The following BTBD8 variants were observed in gnomAD, a reference collection of about 807,000 sequenced individuals.
The protein encoded by BTBD8 is BTB/POZ domain-containing protein 8.
In BTBD8, 110 loss-of-function variants were observed where a neutral mutation model predicts 162.9. That is an observed-to-expected ratio of 0.68 (90% confidence interval 0.58 to 0.79). The LOEUF (loss-of-function observed/expected upper bound fraction) is 0.79, where lower values mean the gene tolerates loss of function less well. BTBD8 is among the 30% of genes least tolerant of loss of function. The pLI is 0.00. For synonymous variants in BTBD8, 667 were observed against 716.1 expected, an observed-to-expected ratio of 0.93 and a Z score of 1.10; for missense variants, 1,905 against 2,085.4, an observed-to-expected ratio of 0.91 and a Z score of 1.68.
At position 92,182,134 on chromosome 1, in the gene BTBD8, G is replaced by A. The variant is rs1466308850; in HGVS notation, c.4451G>A (p.Cys1484Tyr). The change falls in exon 17 of 18, where the codon TGC (cysteine) becomes TAC (tyrosine). Residue 1484 changes from cysteine (C) to tyrosine (Y), a missense_variant. Cys to Tyr is a radical substitution (Grantham distance 194). Coordinates refer to ENST00000636805, the MANE Select transcript of BTBD8 (RefSeq NM_001376131.1). ...TCTCATGAACATCATGGAAGGACCTGCTATTCCAGATTCTCACGAGAAAGT... is the reference window on the plus strand; with the variant it reads ...TCTCATGAACATCATGGAAGGACCTACTATTCCAGATTCTCACGAGAAAGT... ...GISHEHHGRT[C>Y]YSRFSRESED... 2 of 1,551,250 alleles carry A rather than the reference G, an allele frequency of 1.3e-6. No homozygotes were observed. Among genetic ancestry groups the A allele is most frequent in the Admixed American group, 3.9e-5 (2 of 50,990 alleles).
chr1:92,183,770 T>TGAGCCA, intron 17 of BTBD8, 94 bp from the exon 18 acceptor site: 1 of 563,994 alleles, frequency 1.8e-6, no homozygotes, highest in Non-Finnish European at 2.8e-6. Context: ...TTTTTTTTTT[T>TGAGCCA]GACTATCACT....
At chr1:92,147,971 A>G (rs1299090859) in intron 9 of BTBD8, 185 bp downstream of exon 9, 4 of 575,424 alleles carry the variant, frequency 7.0e-6, no homozygotes, top group Non-Finnish European at 6.1e-6. Flanking sequence ...CCAGCTCATC[A>G]GTCAGGGTTG....
At chr1:92,155,127 T>C (rs1650131361) in intron 9 of BTBD8, among the ~76,000 whole-genome samples, 1 of 152,192 alleles carries the variant, frequency 6.6e-6, no homozygotes, top group South Asian at 2.1e-4. Context: ...TGTCTGTCTT[T>C]AGGCCAGTAC....
chr1:92,165,519 A>AG (rs954996498), intron 9 of BTBD8, among the ~76,000 whole-genome samples: 1 of 151,950 alleles, frequency 6.6e-6, no homozygotes, highest in African/African-American at 2.4e-5. Context: ...AAAAAAAAAA[A>AG]CAGAGGCTGT....
intron 9 of BTBD8, among the ~76,000 whole-genome samples, chr1:92,154,489 C>T (rs954526720): frequency 7.2e-5 from 11 of 152,126 alleles, no homozygotes; most frequent in African/African-American, 2.7e-4. Context: ...AACAGATGTG[C>T]GGTGACATCC....
At position 92,181,157 on chromosome 1, in the gene BTBD8, T is replaced by C; in HGVS notation, c.3474T>C (p.Asn1158=). 6.4e-7 allele frequency: 1 copy of C among 1,551,636 alleles called. No individual in the cohort carries two copies. Among genetic ancestry groups the C allele is most frequent in the Non-Finnish European group, 8.7e-7 (1 of 1,146,978 alleles). The stretch of plus-strand genomic sequence containing the variant: ...CTGAAAGGACAAATGGTACCTTAAA[T>C]TCTGCTCAAGAAGACAAAAAATCGA... ...CNPERTNGTL[N]SAQEDKKSKV... The change falls in exon 17 of 18, where the codon AAT becomes AAC. Residue 1158 remains asparagine, a synonymous_variant. Transcript: ENST00000636805.
intron 3 of BTBD8, among the ~76,000 whole-genome samples, chr1:92,103,239 A>G (rs183648265): frequency 7.9e-5 from 12 of 152,348 alleles, no homozygotes; most frequent in Admixed American, 5.2e-4. Flanking sequence ...ATTTGAAAAT[A>G]TTTGTTGGGT....
At chr1:92,128,313 C>T (rs2101927583) in intron 4 of BTBD8, among the ~76,000 whole-genome samples, 1 of 147,472 alleles carries the variant, frequency 6.8e-6, no homozygotes, top group South Asian at 2.2e-4. Context: ...CAGTCTTGCT[C>T]TGTCGCCCAG....
At chr1:92,183,416 A>G (rs1334025626) in intron 17 of BTBD8, among the ~76,000 whole-genome samples, 2 of 152,132 alleles carry the variant, frequency 1.3e-5, no homozygotes, top group Non-Finnish European at 2.9e-5. Flanking sequence ...CCTTGCTTGC[A>G]TCTTCCTTTG....
In BTBD8 at chr1:92,163,005, A is replaced by AAT. The variant is rs956054062; in HGVS notation, c.1123-3941_1123-3940dup. 2.1e-3 allele frequency among the ~76,000 whole-genome samples: 322 copies of AAT among 151,844 alleles called. 3 individuals carry two copies. The highest frequency in any genetic ancestry group is 7.0e-3 in the African/African-American group (290 of 41,454). On this transcript the variant is annotated intron_variant, in intron 9 of 17. Coordinates refer to ENST00000636805, the MANE Select transcript of BTBD8 (RefSeq NM_001376131.1). ...GGACTATGACATGGCTATTAAAACA[A>AAT]ATATATATATATACACTGGTAAGAA...
chr1:92,151,745 T>C (rs1255373024), intron 9 of BTBD8, among the ~76,000 whole-genome samples: 1 of 152,176 alleles, frequency 6.6e-6, no homozygotes, highest in African/African-American at 2.4e-5. Context: ...TTTCACTGTG[T>C]ATGTTTTTGC....
At position 92,167,910 on chromosome 1, in the gene BTBD8, T is replaced by G. The variant is rs1367816790; in HGVS notation, c.1368T>G (p.Asn456Lys). ...CAATTTTAAAAGCAATTGAAGAAAATATCACCACTGAAAATAGCTGCTCTC... is the reference window on the plus strand; with the variant it reads ...CAATTTTAAAAGCAATTGAAGAAAAGATCACCACTGAAAATAGCTGCTCTC... ...LDTILKAIEE[N>K]ITTENSCSLL... The change falls in exon 11 of 18, where the codon AAT (asparagine) becomes AAG (lysine). Residue 456 changes from asparagine (N) to lysine (K), a missense_variant. By Grantham distance (94) the Asn-to-Lys change is moderately conservative (BLOSUM62 0). Coordinates refer to ENST00000636805, the MANE Select transcript of BTBD8 (RefSeq NM_001376131.1). 2 of 1,550,708 alleles carry G rather than the reference T, an allele frequency of 1.3e-6. No individual in the cohort carries two copies. The highest frequency in any genetic ancestry group is 1.7e-6 in the Non-Finnish European group (2 of 1,146,360).
chr1:92,122,323 A>G (rs1164358238), intron 4 of BTBD8, among the ~76,000 whole-genome samples: 3 of 151,566 alleles, frequency 2.0e-5, no homozygotes, highest in African/African-American at 4.9e-5. Flanking sequence ...CAGTGGTGCA[A>G]TCTCGGCTCA....
chr1:92,082,691 G>C (rs895572957), intron 1 of BTBD8, among the ~76,000 whole-genome samples: 1 of 152,180 alleles, frequency 6.6e-6, no homozygotes, highest in Non-Finnish European at 1.5e-5. Context: ...TAGGTTACCT[G>C]ACGTGACAAG....
intron 2 of BTBD8, among the ~76,000 whole-genome samples, chr1:92,096,004 C>A (rs1479301935): frequency 6.6e-6 from 1 of 151,202 alleles, no homozygotes; most frequent in African/African-American, 2.4e-5. Context: ...CAGAGGCTTG[C>A]TCTGTCACCC....
chr1:92,135,222 G>C (rs1302180813), intron 5 of BTBD8, among the ~76,000 whole-genome samples: 1 of 151,906 alleles, frequency 6.6e-6, no homozygotes, highest in African/African-American at 2.4e-5. Context: ...GTCTTGCTCT[G>C]TCGCCTGGGC....
chr1:92,105,372 C>T (rs543139843), intron 3 of BTBD8, among the ~76,000 whole-genome samples: 2 of 152,242 alleles, frequency 1.3e-5, no homozygotes, highest in East Asian at 3.9e-4. Context: ...CCCACCTCAG[C>T]CTCTCGAGTA....
Position 92,180,469 on chromosome 1 carries a change from G to C in BTBD8, c.2786G>C (p.Gly929Ala). The change falls in exon 17 of 18, where the codon GGT becomes GCT. Residue 929 changes from glycine (G) to alanine (A), a missense_variant. Physicochemically the swap from Gly to Ala is moderately conservative, Grantham distance 60. Around this residue, in one of 3 missense-constraint regions of BTBD8, gnomAD observed 1,374 missense variants for 1,442.7 expected, o/e 0.95. Transcript: ENST00000636805. ...AAAAATCTAAATCAGTCAAAGAAAG[G>C]TGAAACTTTGAATAATAAAGATTCA... ...MPKNLNQSKKGETLNNKDSKQ... is the reference protein window; with the variant it reads ...MPKNLNQSKKAETLNNKDSKQ... The C allele has an allele frequency of 6.4e-7, 1 of 1,550,696 alleles. No individual in the cohort carries two copies. The highest frequency in any genetic ancestry group is 8.7e-7 in the Non-Finnish European group (1 of 1,146,700).
intron 10 of BTBD8, among the ~76,000 whole-genome samples, chr1:92,167,341 A>T (rs1401113399): frequency 1.3e-5 from 2 of 152,328 alleles, no homozygotes; most frequent in East Asian, 3.9e-4. Context: ...GGCGAGAGGG[A>T]CAGGTTTGAG....
Sources: gnomAD v4.1 joint callset for allele counts (sites outside exome capture counted in the v4.1 genomes callset) on GRCh38, gnomAD v4.1.1 for gene constraint, gnomAD v4.1.1 regional missense constraint, MANE v1.5 for transcripts, NCBI Gene and HGNC (gene_info 2026-07-23, HGNC 2026-07-21) for gene names.